ACER1: variants seen among roughly 807,000 people sequenced by gnomAD.
ACER1 encodes alkaline ceramidase 1, also known as CTB-180A7.3.
In ACER1, 28 loss-of-function variants were observed where a neutral mutation model predicts 24.9. The ratio of observed to expected loss-of-function variants is 1.13; its 90% CI spans 0.83 to 1.54. The LOEUF is 1.54. ACER1 is among the 40% of genes most tolerant of loss of function. The probability of loss-of-function intolerance (pLI) is 0.00; values close to 1 mark genes in which losing one functional copy is unlikely to be tolerated. For synonymous variants in ACER1, 132 were observed against 131.4 expected, an observed-to-expected ratio of 1.00 and a Z score of -0.03; for missense variants, 352 against 349.3, an observed-to-expected ratio of 1.01 and a Z score of -0.06.
intron 4 of ACER1, among the ~76,000 whole-genome samples, chr19:6,308,166 G>A (rs1406275554): frequency 1.3e-5 from 2 of 152,026 alleles, no homozygotes; most frequent in Non-Finnish European, 2.9e-5. Flanking sequence ...TGGGCGCGGC[G>A]GCTCAAGCCT....
chr19:6,355,836 G>A, the ACER1 span, among the ~76,000 whole-genome samples: 3 of 145,978 alleles, frequency 2.1e-5, no homozygotes, highest in Admixed American at 6.7e-5. Context: ...CGCTCCATCC[G>A]GGAGGGAGGT....
intron 1 of ACER1, among the ~76,000 whole-genome samples, chr19:6,315,720 G>T (rs772480948): frequency 1.3e-5 from 2 of 152,036 alleles, no homozygotes; most frequent in Non-Finnish European, 1.5e-5. Context: ...TGGCCATGTG[G>T]CCCAGGCTGG....
chr19:6,310,302 T>C (rs1039035995), intron 3 of ACER1, among the ~76,000 whole-genome samples: 2 of 148,770 alleles, frequency 1.3e-5, no homozygotes, highest in African/African-American at 4.9e-5. Flanking sequence ...TTAGCCAGGA[T>C]GGTCTCAATC....
chr19:6,328,417 G>C (rs535038148), intron 1 of ACER1, among the ~76,000 whole-genome samples: 1 of 149,536 alleles, frequency 6.7e-6, no homozygotes. Context: ...CTTGAACCAG[G>C]GAGGTGGAGG....
At chr19:6,329,860 A>AT (rs1199611982) in intron 1 of ACER1, among the ~76,000 whole-genome samples, 2 of 150,730 alleles carry the variant, frequency 1.3e-5, no homozygotes, top group East Asian at 3.9e-4. Context: ...TTTATTTTTA[A>AT]TTTTTTAATT....
chr19:6,318,332 G>A (rs969594704), intron 1 of ACER1, among the ~76,000 whole-genome samples: 5 of 151,728 alleles, frequency 3.3e-5, no homozygotes, highest in Admixed American at 6.6e-5. Context: ...AGCCAGGTGC[G>A]GTGGCGCATG....
the ACER1 span, among the ~76,000 whole-genome samples, chr19:6,338,872 G>T: frequency 1.7e-4 from 26 of 151,512 alleles, no homozygotes; most frequent in Admixed American, 1.1e-3. Flanking sequence ...ACCGCACCTG[G>T]CCTTAAAATC....
At chr19:6,339,605 G>T in the ACER1 span, among the ~76,000 whole-genome samples, 2 of 152,150 alleles carry the variant, frequency 1.3e-5, no homozygotes, top group African/African-American at 4.8e-5. Flanking sequence ...TGATTAAAAT[G>T]ATCAGTTTCG....
chr19:6,351,791 T>C, the ACER1 span, among the ~76,000 whole-genome samples: 2 of 151,888 alleles, frequency 1.3e-5, no homozygotes, highest in African/African-American at 4.8e-5. Context: ...GTGTGGTGGC[T>C]CATGCCTGTA....
intron 1 of ACER1, among the ~76,000 whole-genome samples, chr19:6,331,749 G>C (rs1427855970): frequency 6.6e-6 from 1 of 151,620 alleles, no homozygotes; most frequent in African/African-American, 2.4e-5. Flanking sequence ...AGCCGAGATC[G>C]CGCCATTACA....
rs374169711 is a variant in ACER1 at position 6,324,148 on chromosome 19, G to A, written c.93+9311C>T. On this transcript the variant is annotated intron_variant, in intron 1 of 5. Transcript: ENST00000301452. Reference sequence around the variant, plus strand: ...CAATCTCCACCTCCCAGCTTCAAGCGATTCTCCTGCCTCACCCTCCTAAGT... The same window carrying A: ...CAATCTCCACCTCCCAGCTTCAAGCAATTCTCCTGCCTCACCCTCCTAAGT... Among the ~76,000 whole-genome samples the A allele has an allele frequency of 1.3e-3, 200 of 151,006 alleles. 1 individual carries two copies. Among genetic ancestry groups the A allele is most frequent in the African/African-American group, 4.2e-3 (175 of 41,182 alleles).
intron 4 of ACER1, among the ~76,000 whole-genome samples, chr19:6,309,395 G>A (rs1303782061): frequency 1.3e-5 from 2 of 151,848 alleles, no homozygotes; most frequent in Admixed American, 1.3e-4. Context: ...GATGGCATAC[G>A]CCTCTAGTCC....
chr19:6,323,338 T>A (rs1383781604), intron 1 of ACER1, among the ~76,000 whole-genome samples: 1 of 150,640 alleles, frequency 6.6e-6, no homozygotes, highest in Non-Finnish European at 1.5e-5. Flanking sequence ...GAGAATGGTG[T>A]GAACCCTAGG....
chr19:6,350,970 G>A, the ACER1 span, among the ~76,000 whole-genome samples: 1 of 152,174 alleles, frequency 6.6e-6, no homozygotes, highest in Non-Finnish European at 1.5e-5. Context: ...CCTCCAGACT[G>A]TGACTGGGAG....
In ACER1 at chr19:6,326,372, G is replaced by T. The variant is rs112451388; in HGVS notation, c.93+7087C>A. Among the ~76,000 whole-genome samples the T allele has an allele frequency of 5.3e-5, 8 of 151,530 alleles. No individual in the cohort carries two copies. The South Asian group carries it at 1.7e-3, about 31-fold the overall frequency. On this transcript the variant is annotated intron_variant, in intron 1 of 5. Transcript: ENST00000301452. ...CGATCTCCTGACCTTGTGATCCGCC[G>T]GCCTCGGCCTCCCAAGGTGTTGGGA...
At chr19:6,337,739 G>C (rs1471497618), upstream of ACER1, among the ~76,000 whole-genome samples, 1 of 124,832 alleles carries the variant, frequency 8.0e-6, no homozygotes, top group Non-Finnish European at 1.6e-5. Flanking sequence ...GCAGTGGCTC[G>C]ATCTTGGCTC....
At chr19:6,335,104 AAT>A (rs1491441414), upstream of ACER1, among the ~76,000 whole-genome samples, 3 of 146,070 alleles carry the variant, frequency 2.1e-5, no homozygotes, top group Non-Finnish European at 1.5e-5. Flanking sequence ...TAATATTTTA[AAT>A]ATTTTAGTAT....
the ACER1 span, among the ~76,000 whole-genome samples, chr19:6,352,481 C>T: frequency 2.0e-5 from 3 of 152,114 alleles, no homozygotes; most frequent in African/African-American, 7.2e-5. Flanking sequence ...GATATTCCAG[C>T]CCCAGAAAAT....
At chr19:6,337,299 G>C (rs1343860205), upstream of ACER1, among the ~76,000 whole-genome samples, 2 of 151,856 alleles carry the variant, frequency 1.3e-5, no homozygotes, top group Non-Finnish European at 2.9e-5. Context: ...TAATGACTTT[G>C]ACAAAAAAGA....
Sources: allele counts gnomAD v4.1 joint callset (sites outside exome capture counted in the v4.1 genomes callset), GRCh38; gene constraint gnomAD v4.1.1; transcripts MANE v1.5; gene names NCBI Gene and HGNC (gene_info 2026-07-23, HGNC 2026-07-21).